Variants in CPOX observed in about 807,000 individuals in gnomAD.
The protein encoded by CPOX is coproporphyrinogen oxidase, also known as oxygen-dependent coproporphyrinogen-III oxidase, mitochondrial.
A neutral mutation model predicts 48.9 loss-of-function variants in CPOX; 24 were observed. That is an observed-to-expected ratio of 0.49 (90% CI 0.36 to 0.69). The LOEUF (loss-of-function observed/expected upper bound fraction) is 0.69, where lower values mean the gene tolerates loss of function less well. Ranked by LOEUF, CPOX falls within the 30% of genes least tolerant of loss-of-function variation. CPOX has a pLI of 0.00. For missense variants in CPOX, 549 were observed against 597.3 expected (o/e 0.92, Z 0.84); for synonymous variants, 249 against 234.6 (o/e 1.06, Z -0.56).
downstream of CPOX, among the ~76,000 whole-genome samples, chr3:98,577,403 A>C (rs772461002): frequency 9.9e-5 from 15 of 152,170 alleles, no homozygotes; most frequent in Admixed American, 2.0e-4. Flanking sequence ...AGAGCATTGC[A>C]AAAGTTCAGA....
In CPOX at chr3:98,580,651, C is replaced by T; in HGVS notation, c.*32G>A. Reference sequence around the variant, plus strand: ...GCATGGGGAGCACACATCGTGTGCCCTCCAAACCCCTGCACAGCCATTCTG... The same window carrying T: ...GCATGGGGAGCACACATCGTGTGCCTTCCAAACCCCTGCACAGCCATTCTG... On this transcript the variant is annotated 3_prime_UTR_variant, in exon 7 of 7. Coordinates refer to ENST00000647941, the MANE Select transcript of CPOX (RefSeq NM_000097.7). 6.2e-7 allele frequency: 1 copy of T among 1,613,520 alleles called. No homozygotes were observed. The highest frequency in any genetic ancestry group is 8.5e-7 in the Non-Finnish European group (1 of 1,179,806).
intron 3 of CPOX, among the ~76,000 whole-genome samples, chr3:98,589,099 C>T (rs1180966525): frequency 2.6e-5 from 4 of 152,146 alleles, no homozygotes; most frequent in Non-Finnish European, 2.9e-5. Flanking sequence ...GCAGGCAGAT[C>T]GCCTGAGGTC....
Position 98,580,474 on chromosome 3 carries a change from G to A in CPOX, c.*209C>T, listed in dbSNP as rs1707236219. 4.3e-6 allele frequency: 6 copies of A among 1,405,858 alleles called. No homozygotes were observed. Among genetic ancestry groups the A allele is most frequent in the Non-Finnish European group, 3.7e-6 (4 of 1,080,980 alleles). The allele number at this position is 1,405,858 out of a possible 1,614,324, so 87.1% of individuals were successfully genotyped here. On this transcript the variant is annotated 3_prime_UTR_variant, in exon 7 of 7. Transcript: ENST00000647941. Reference sequence around the variant, plus strand: ...AAAATGACACTAGAAGTATAAATGAGGTTTAATCAATTGACTCTGACAATC... The same window carrying A: ...AAAATGACACTAGAAGTATAAATGAAGTTTAATCAATTGACTCTGACAATC...
At chr3:98,590,898 G>T (rs1206030211) in intron 2 of CPOX, 114 bp downstream of exon 2, 4 of 1,311,402 alleles carry the variant, frequency 3.1e-6, no homozygotes, top group Non-Finnish European at 4.4e-6. Context: ...TCAACGTGCG[G>T]CATATGAACC....
the CPOX span, among the ~76,000 whole-genome samples, chr3:98,571,356 A>G: frequency 0.12 from 18,273 of 152,050 alleles, 1,378 homozygotes; most frequent in East Asian, 0.18. Flanking sequence ...GTTTATTTTC[A>G]TTTTTCCTTC....
chr3:98,591,288 T>G lies in CPOX; in HGVS notation c.557-133A>C, dbSNP rs972233462. The G allele has an allele frequency of 4.3e-6, 4 of 924,316 alleles. No homozygotes were observed. The African/African-American group carries it at 6.6e-5, about 15-fold the overall frequency. The allele number at this position is 924,316 out of a possible 1,614,324, so 57.3% of individuals were successfully genotyped here. A position where few individuals can be genotyped will look rare whatever the true frequency, so the allele number is the denominator to read the frequency against. On this transcript the variant is annotated intron_variant, in intron 1 of 6. Coordinates refer to ENST00000647941, the MANE Select transcript of CPOX (RefSeq NM_000097.7). ...AGTGTATTTATCATTTTATGTACAA[T>G]ACAATTAGATAACTAGCTTAGCTTT...
downstream of CPOX, among the ~76,000 whole-genome samples, chr3:98,579,104 G>C (rs1405924647): frequency 6.6e-6 from 1 of 152,132 alleles, no homozygotes; most frequent in Non-Finnish European, 1.5e-5. Context: ...TGAGGATGAA[G>C]ACCTTTACGA....
chr3:98,580,388 T>C lies in CPOX; in HGVS notation c.*295A>G, dbSNP rs1185192601. ...AGATTTCCTGATACATATAATACTATTTATATTCCCTTATCTCAATACTTG... is the reference window on the plus strand; with the variant it reads ...AGATTTCCTGATACATATAATACTACTTATATTCCCTTATCTCAATACTTG... On this transcript the variant is annotated 3_prime_UTR_variant, in exon 7 of 7. Coordinates refer to ENST00000647941, the MANE Select transcript of CPOX (RefSeq NM_000097.7). The C allele has an allele frequency of 8.6e-7, 1 of 1,163,518 alleles. No individual in the cohort carries two copies. Among genetic ancestry groups the C allele is most frequent in the Non-Finnish European group, 1.1e-6 (1 of 933,226 alleles). 72.1% of individuals were successfully genotyped at this position (1,163,518 alleles called of 1,614,324 possible).
chr3:98,583,839 A>G (rs1576299403), intron 5 of CPOX, among the ~76,000 whole-genome samples: 1 of 152,198 alleles, frequency 6.6e-6, no homozygotes, highest in Non-Finnish European at 1.5e-5. Flanking sequence ...GACAGTGTTG[A>G]TAGCCCCAGA....
At position 98,593,418 on chromosome 3, in the gene CPOX, C is replaced by T. The variant is rs748129902; in HGVS notation, c.87G>A (p.Gln29=). The change falls in exon 1 of 7, where the codon CAG becomes CAA. Residue 29 remains glutamine, a synonymous_variant. Coordinates refer to ENST00000647941, the MANE Select transcript of CPOX (RefSeq NM_000097.7). The part of the protein sequence containing the change: ...GGCGGPRAWS[Q]CGGGGLRAWS... Reference sequence around the variant, plus strand: ...AGGCTCGGAGCCCTCCGCCGCCGCACTGGGACCAGGCGCGGGGCCCTCCGC... The same window carrying T: ...AGGCTCGGAGCCCTCCGCCGCCGCATTGGGACCAGGCGCGGGGCCCTCCGC... 11 of 1,457,040 alleles carry T rather than the reference C, an allele frequency of 7.5e-6. No homozygotes were observed. In the South Asian group the frequency reaches 8.0e-5, roughly 11 times the overall value. 90.3% of individuals were successfully genotyped at this position (1,457,040 alleles called of 1,614,324 possible).
chr3:98,586,892 C>T lies in CPOX; in HGVS notation c.954-1233G>A, dbSNP rs571326810. ...CCGGAAGGCAGAGCTTGCAGTGAGC[C>T]GAGATCGCACCACTGCACTCCAGCC... On this transcript the variant is annotated intron_variant, in intron 4 of 6. Coordinates refer to ENST00000647941, the MANE Select transcript of CPOX (RefSeq NM_000097.7). 4.6e-5 allele frequency among the ~76,000 whole-genome samples: 7 copies of T among 152,058 alleles called. No homozygotes were observed. The South Asian group carries it at 1.2e-3, about 27-fold the overall frequency.
At chr3:98,586,758 C>G (rs988142550) in intron 4 of CPOX, among the ~76,000 whole-genome samples, 2 of 152,108 alleles carry the variant, frequency 1.3e-5, no homozygotes, top group Non-Finnish European at 2.9e-5. Context: ...TCCTGGCTAA[C>G]ACGGTGAAAC....
At chr3:98,580,854 T>C (rs1474488562) in intron 6 of CPOX, 84 bp from the exon 7 acceptor site, 4 of 1,401,584 alleles carry the variant, frequency 2.9e-6, no homozygotes, top group Non-Finnish European at 3.8e-6. Flanking sequence ...AAAAATAAAA[T>C]CCTAAGAATA....
chr3:98,591,486 G>A (rs934721380), intron 1 of CPOX, among the ~76,000 whole-genome samples: 1 of 152,048 alleles, frequency 6.6e-6, no homozygotes, highest in Non-Finnish European at 1.5e-5. Flanking sequence ...AGAAAGCTAA[G>A]GTTAAAAATA....
Position 98,579,543 on chromosome 3 carries a change from C to G in CPOX, c.*1140G>C, listed in dbSNP as rs1386482221. On this transcript the variant is annotated 3_prime_UTR_variant, in exon 7 of 7. Transcript: ENST00000647941. Reference sequence around the variant, plus strand: ...GCCCCAAAAAGGCCACACAGAATCACAAACATTCAACGTGTTCCACGATAA... The same window carrying G: ...GCCCCAAAAAGGCCACACAGAATCAGAAACATTCAACGTGTTCCACGATAA... The G allele has an allele frequency of 1.0e-6, 1 of 985,358 alleles. No homozygotes were observed. The highest frequency in any genetic ancestry group is 1.2e-6 in the Non-Finnish European group (1 of 829,864). The allele number at this position is 985,358 out of a possible 1,614,324, so 61.0% of individuals were successfully genotyped here.
At chr3:98,583,286 A>C (rs1707295853) in intron 5 of CPOX, among the ~76,000 whole-genome samples, 1 of 152,038 alleles carries the variant, frequency 6.6e-6, no homozygotes, top group Non-Finnish European at 1.5e-5. Context: ...TATAGATCTG[A>C]TATTCTATAT....
chr3:98,590,982 A>G, intron 2 of CPOX, 30 bp downstream of exon 2: 1 of 1,613,264 alleles, frequency 6.2e-7, no homozygotes, highest in Non-Finnish European at 8.5e-7. Flanking sequence ...TGCAGGGACT[A>G]TTAGAGACTA....
At chr3:98,576,252 A>G (rs1707161522), downstream of CPOX, among the ~76,000 whole-genome samples, 1 of 152,210 alleles carries the variant, frequency 6.6e-6, no homozygotes. Context: ...ATCATGGCAG[A>G]AGGCAAAAGG....
chr3:98,570,672 A>G, the CPOX span, among the ~76,000 whole-genome samples: 9 of 152,238 alleles, frequency 5.9e-5, no homozygotes, highest in Non-Finnish European at 8.8e-5. Flanking sequence ...TTTTAATTAA[A>G]TACTTGATAT....
Sources: gnomAD v4.1 joint callset for allele counts (sites outside exome capture counted in the v4.1 genomes callset) on GRCh38, gnomAD v4.1.1 for gene constraint, MANE v1.5 for transcripts, NCBI Gene and HGNC (gene_info 2026-07-23, HGNC 2026-07-21) for gene names.